CATSPERD: variants seen among roughly 807,000 people sequenced by gnomAD.
CATSPERD encodes cation channel sperm-associated auxiliary subunit delta.
CATSPERD carries 86 observed loss-of-function variants against 98.1 expected under a neutral mutation model. The observed-to-expected ratio is 0.88, with a 90% CI of 0.74 to 1.05. The LOEUF is 1.05. Among genes scored for constraint, CATSPERD ranks in the 50% least tolerant of loss-of-function variants. The pLI is 0.00. For missense variants in CATSPERD, 995 were observed against 1,005.7 expected (o/e 0.99, Z 0.14); for synonymous variants, 394 against 390.2 (o/e 1.01, Z -0.12).
intron 16 of CATSPERD, among the ~76,000 whole-genome samples, chr19:5,765,538 A>G (rs1308926410): frequency 1.3e-5 from 2 of 151,948 alleles, no homozygotes; most frequent in Non-Finnish European, 2.9e-5. Flanking sequence ...TGGGCCTGGC[A>G]TGGTGGCTCA....
At chr19:5,746,164 C>A in intron 9 of CATSPERD, 101 bp downstream of exon 9, 1 of 1,265,178 alleles carries the variant, frequency 7.9e-7, no homozygotes, top group Non-Finnish European at 1.1e-6. Context: ...ACCCCTCGAC[C>A]ACTCGGTTAT....
chr19:5,736,028 C>G (rs2055838532), intron 5 of CATSPERD, among the ~76,000 whole-genome samples: 1 of 151,918 alleles, frequency 6.6e-6, no homozygotes, highest in Admixed American at 6.6e-5. Context: ...CCGCCCGCTT[C>G]AGCCTCCCAA....
In CATSPERD at chr19:5,741,789, G is replaced by GGC. The variant is rs1555720201; in HGVS notation, c.573+2351_573+2352insCG. 2.0e-5 allele frequency among the ~76,000 whole-genome samples: 2 copies of GGC among 101,646 alleles called. 1 individual carries two copies. The highest frequency in any genetic ancestry group is 4.5e-5 in the Non-Finnish European group (2 of 44,536). The allele number at this position is 101,646 out of a possible 152,430, so 66.7% of individuals were successfully genotyped here. A position where few individuals can be genotyped will look rare whatever the true frequency, so the allele number is the denominator to read the frequency against. ...AGCACTTTGGGATGCTGAAGGCGGG[G>GGC]GGGGGGGGGTGGTGTGGATCACTTG... is the stretch of plus-strand genomic sequence containing the variant. On this transcript the variant is annotated intron_variant, in intron 7 of 21. Coordinates refer to ENST00000381624, the MANE Select transcript of CATSPERD (RefSeq NM_152784.4).
At chr19:5,762,761 G>A (rs2056466051) in intron 15 of CATSPERD, among the ~76,000 whole-genome samples, 1 of 151,812 alleles carries the variant, frequency 6.6e-6, no homozygotes, top group African/African-American at 2.4e-5. Flanking sequence ...TGGATGGATG[G>A]ATGGATAGGT....
chr19:5,763,333 A>C, intron 16 of CATSPERD, 40 bp downstream of exon 16: 1 of 1,539,192 alleles, frequency 6.5e-7, no homozygotes, highest in South Asian at 1.1e-5. Context: ...TCGGTGTCAT[A>C]AGTGTTAAGA....
Position 5,744,513 on chromosome 19 carries a change from A to G in CATSPERD, c.657+3A>G, listed in dbSNP as rs1483885925. 6.2e-7 allele frequency: 1 copy of G among 1,609,420 alleles called. No homozygotes were observed. Among genetic ancestry groups the G allele is most frequent in the Non-Finnish European group, 8.5e-7 (1 of 1,176,738 alleles). On this transcript the variant is annotated splice_donor_region_variant and intron_variant, in intron 8 of 21. Coordinates refer to ENST00000381624, the MANE Select transcript of CATSPERD (RefSeq NM_152784.4). ...TGCTTGTAGTGAATCAAGGGAAGGT[A>G]AGTAACTGCAGAGGGAAGAACTACT...
At position 5,765,597 on chromosome 19, in the gene CATSPERD, A is replaced by T. The variant is rs1427147363; in HGVS notation, c.1507-506A>T. ...GAGGCCCAGGCGGGTGGATCACCTG[A>T]GGTCAAGAGTTGGAGACCAGCCTGG... On this transcript the variant is annotated intron_variant, in intron 16 of 21. Transcript: ENST00000381624. 2.6e-5 allele frequency among the ~76,000 whole-genome samples: 4 copies of T among 151,980 alleles called. No individual in the cohort carries two copies. The East Asian group carries it at 7.8e-4, about 29-fold the overall frequency.
At chr19:5,723,032 C>CA (rs2145664720) in intron 1 of CATSPERD, among the ~76,000 whole-genome samples, 2 of 151,470 alleles carry the variant, frequency 1.3e-5, no homozygotes, top group South Asian at 4.2e-4. Context: ...ACCAAAAATA[C>CA]AAAAAATTAG....
At chr19:5,739,842 A>AAAAAAAAAAAAAG (rs57355784) in intron 7 of CATSPERD, among the ~76,000 whole-genome samples, 55,266 of 131,520 alleles carry the variant, frequency 0.42, 12,407 homozygotes, top group Non-Finnish European at 0.45. Flanking sequence ...TCATCTCAAA[A>AAAAAAAAAAAAAG]AAAAAAAAAA....
chr19:5,744,758 G>A (rs1360547168), intron 8 of CATSPERD, among the ~76,000 whole-genome samples: 3 of 151,442 alleles, frequency 2.0e-5, no homozygotes, highest in African/African-American at 7.3e-5. Context: ...GTGCCACCGC[G>A]CCTGGCTAAT....
chr19:5,772,943 G>T lies in CATSPERD; in HGVS notation c.1919G>T (p.Gly640Val). The stretch of plus-strand genomic sequence containing the variant: ...ACCACCATGATAAAGGAATTCGGGG[G>T]GCCCTTCTTCTGGAACAGAGAGGTA... ...NWTTMIKEFG[G>V]PFFWNRENYV... Residue 640 changes from glycine to valine, a missense_variant, in exon 20 of 22, where the codon GGG becomes GTG. Physicochemically the swap from Gly to Val is moderately radical, Grantham distance 109. Coordinates refer to ENST00000381624, the MANE Select transcript of CATSPERD (RefSeq NM_152784.4). 1 of 1,613,916 alleles carries T rather than the reference G, an allele frequency of 6.2e-7. No individual in the cohort carries two copies. The highest frequency in any genetic ancestry group is 1.3e-5 in the African/African-American group (1 of 75,018).
At chr19:5,745,035 C>T (rs1235288367) in intron 8 of CATSPERD, among the ~76,000 whole-genome samples, 1 of 152,064 alleles carries the variant, frequency 6.6e-6, no homozygotes, top group Non-Finnish European at 1.5e-5. Flanking sequence ...CTCTGCCTCC[C>T]GGGCTCAAGT....
rs961583332 is a variant in CATSPERD, at chr19:5,766,175, G to T, written c.1559+20G>T. The stretch of plus-strand genomic sequence containing the variant: ...CCAGAAGTAAGTATGTTGAGGCCGG[G>T]CACCATGGCTCATTCCTGTGATCCC... On this transcript the variant is annotated intron_variant, in intron 17 of 21. Transcript: ENST00000381624. 3 of 1,608,052 alleles carry T rather than the reference G, an allele frequency of 1.9e-6. No homozygotes were observed. Among genetic ancestry groups the T allele is most frequent in the Non-Finnish European group, 8.5e-7 (1 of 1,176,742 alleles).
chr19:5,733,936 T>C lies in CATSPERD; in HGVS notation c.357T>C (p.Tyr119=), dbSNP rs761945552. 1 of 1,608,872 alleles carries C rather than the reference T, an allele frequency of 6.2e-7. No homozygotes were observed. The highest frequency in any genetic ancestry group is 1.3e-5 in the African/African-American group (1 of 74,656). Residue 119 remains tyrosine, a synonymous_variant, in exon 5 of 22, where the codon TAT becomes TAC. Transcript: ENST00000381624. ...TAGTGGATCAAAAAGTCTATATTTATGATTATGAAAATAATTCTTGGAGCA... is the reference window on the plus strand; with the variant it reads ...TAGTGGATCAAAAAGTCTATATTTACGATTATGAAAATAATTCTTGGAGCA... ...LLVVDQKVYI[Y]DYENNSWSMS... is the part of the protein sequence containing the mutation.
chr19:5,732,222 T>C (rs1215206324), intron 4 of CATSPERD, among the ~76,000 whole-genome samples: 1 of 151,664 alleles, frequency 6.6e-6, no homozygotes, highest in Non-Finnish European at 1.5e-5. Flanking sequence ...TGATCCGTCT[T>C]GTTCTCCCAG....
At chr19:5,736,263 A>G (rs920919796) in intron 5 of CATSPERD, among the ~76,000 whole-genome samples, 31 of 152,066 alleles carry the variant, frequency 2.0e-4, no homozygotes, top group Admixed American at 2.0e-3. Context: ...GTCTGGAGAC[A>G]TTTTTGGTGT....
At chr19:5,736,324 A>T (rs2055844719) in intron 5 of CATSPERD, among the ~76,000 whole-genome samples, 1 of 152,186 alleles carries the variant, frequency 6.6e-6, no homozygotes, top group African/African-American at 2.4e-5. Flanking sequence ...AGAGATACAG[A>T]TGCTAAAAAG....
In CATSPERD at chr19:5,727,331, G is replaced by A; in HGVS notation, c.190G>A (p.Ala64Thr). Residue 64 changes from alanine to threonine, a missense_variant, in exon 3 of 22, where the codon GCA (alanine) becomes ACA (threonine). Around this residue, in one of 3 missense-constraint regions of CATSPERD, gnomAD observed 228 missense variants for 209.6 expected, o/e 1.09. Transcript: ENST00000381624. ...TAAACATCCTTGCGAGAAAAATATA[G>A]CACTATATCTAGGGTAAGTGGCAAT... ...LIKHPCEKNIALYLGKQVFFT... is the reference protein window; with the variant it reads ...LIKHPCEKNITLYLGKQVFFT... The A allele has an allele frequency of 6.2e-7, 1 of 1,611,362 alleles. No individual in the cohort carries two copies. Among genetic ancestry groups the A allele is most frequent in the South Asian group, 1.1e-5 (1 of 91,018 alleles).
chr19:5,742,179 T>C lies in CATSPERD; in HGVS notation c.574-2248T>C, dbSNP rs545192709. On this transcript the variant is annotated intron_variant, in intron 7 of 21. Transcript: ENST00000381624. ...GAACGTGTGTGTGCGTGTGTGTATG[T>C]ATGTGAACGTGTGTGCGTGTACATG... is the stretch of plus-strand genomic sequence containing the variant. Among the ~76,000 whole-genome samples the C allele has an allele frequency of 4.7e-5, 7 of 150,488 alleles. No homozygotes were observed. In the East Asian group the frequency reaches 9.7e-4, roughly 21 times the overall value.
Sources: allele counts gnomAD v4.1 joint callset (sites outside exome capture counted in the v4.1 genomes callset), GRCh38; gene constraint gnomAD v4.1.1; regional missense constraint gnomAD v4.1.1; transcripts MANE v1.5; gene names NCBI Gene and HGNC (gene_info 2026-07-23, HGNC 2026-07-21).